The following ANOS1 variants were observed in gnomAD, a reference collection of about 807,000 sequenced individuals.
ANOS1 encodes anosmin 1.
In ANOS1, 6 loss-of-function variants were observed where a neutral mutation model predicts 59.0. The ratio of observed to expected loss-of-function variants is 0.10; its 90% CI spans 0.06 to 0.20. The LOEUF (loss-of-function observed/expected upper bound fraction) is 0.20, where lower values mean the gene tolerates loss of function less well. ANOS1 is among the 10% of genes least tolerant of loss of function. The probability of loss-of-function intolerance (pLI) is 1.00; values close to 1 mark genes in which losing one functional copy is unlikely to be tolerated. For synonymous variants in ANOS1, 217 were observed against 223.4 expected (o/e 0.97, Z 0.25); for missense variants, 433 against 542.3 (o/e 0.80, Z 2.00).
chrX:8,588,513 G>A (rs887043289), intron 4 of ANOS1, among the ~76,000 whole-genome samples: 8 of 111,759 alleles, frequency 7.2e-5, no homozygotes, highest in Admixed American at 2.9e-4. Context: ...ATCTCTTCAT[G>A]TGAAATCTCC....
intron 13 of ANOS1, among the ~76,000 whole-genome samples, chrX:8,533,930 T>A (rs1455775930): frequency 9.5e-6 from 1 of 105,667 alleles, no homozygotes; most frequent in Non-Finnish European, 1.9e-5. Flanking sequence ...AAAGCATGCA[T>A]TACATAGGGG....
chrX:8,611,578 T>C (rs1931059250), intron 3 of ANOS1, among the ~76,000 whole-genome samples: 1 of 97,642 alleles, frequency 1.0e-5, no homozygotes, highest in South Asian at 4.9e-4. Context: ...TGAAGGAAAA[T>C]CTTCAAAGCA....
chrX:8,536,014 T>C (rs948119647), intron 11 of ANOS1, among the ~76,000 whole-genome samples: 2 of 110,579 alleles, frequency 1.8e-5, no homozygotes, highest in East Asian at 2.8e-4. Context: ...ACTCCAACTT[T>C]GTACTAAATG....
chrX:8,586,363 C>G (rs1353152227), intron 5 of ANOS1, among the ~76,000 whole-genome samples: 1 of 112,432 alleles, frequency 8.9e-6, no homozygotes, highest in Non-Finnish European at 1.9e-5. Context: ...TGAACTCTTA[C>G]ATGTGGCTTT....
At chrX:8,664,359 T>A (rs1193271371) in intron 2 of ANOS1, among the ~76,000 whole-genome samples, 1 of 109,532 alleles carries the variant, frequency 9.1e-6, no homozygotes, top group Non-Finnish European at 1.9e-5. Context: ...CCCGGCTAAT[T>A]TTTTTGTATT....
At chrX:8,578,859 G>A (rs1219237398) in intron 6 of ANOS1, among the ~76,000 whole-genome samples, 2 of 111,866 alleles carry the variant, frequency 1.8e-5, no homozygotes, top group Non-Finnish European at 3.8e-5. Flanking sequence ...CAAAAAAAAT[G>A]AATTTGGATT....
intron 3 of ANOS1, among the ~76,000 whole-genome samples, chrX:8,606,161 G>A (rs1038376117): frequency 1.8e-5 from 2 of 111,974 alleles, no homozygotes; most frequent in Non-Finnish European, 3.8e-5. Context: ...TATAACTGTA[G>A]GTAAAATTTA....
Position 8,535,718 on chromosome X carries a change from T to C in ANOS1, c.1715A>G (p.Lys572Arg), listed in dbSNP as rs756389987. 1 of 1,211,726 alleles carries C rather than the reference T, an allele frequency of 8.3e-7. No homozygotes were observed. Among genetic ancestry groups the C allele is most frequent in the East Asian group, 3.0e-5 (1 of 33,843 alleles). The change falls in exon 12 of 14, where the codon AAG becomes AGG. Residue 572 changes from lysine (K) to arginine (R), a missense_variant. Transcript: ENST00000262648. ...DVNITGHFSW[K>R]MAKANLYQPM... Reference sequence around the variant, plus strand: ...CTGATAGAGATTGGCCTTGGCCATCTTCCAAGAAAAGTGACCGGTGATGTT... The same window carrying C: ...CTGATAGAGATTGGCCTTGGCCATCCTCCAAGAAAAGTGACCGGTGATGTT...
chrX:8,561,242 T>C (rs1472268107), intron 8 of ANOS1, among the ~76,000 whole-genome samples: 3 of 112,660 alleles, frequency 2.7e-5, no homozygotes, highest in Non-Finnish European at 5.6e-5. Flanking sequence ...TAGGCTATTT[T>C]AGCTTAAAGA....
intron 2 of ANOS1, among the ~76,000 whole-genome samples, chrX:8,682,477 T>C (rs1351173375): frequency 9.0e-6 from 1 of 111,057 alleles, no homozygotes; most frequent in Non-Finnish European, 1.9e-5. Flanking sequence ...ACCCGTGGGA[T>C]GCATTAAGCC....
At chrX:8,581,977 C>T (rs777654762) in intron 6 of ANOS1, among the ~76,000 whole-genome samples, 88 of 111,942 alleles carry the variant, frequency 7.9e-4, no homozygotes, top group Non-Finnish European at 1.3e-3. Context: ...CTTTTTATTA[C>T]TCTTGTTTCA....
intron 2 of ANOS1, among the ~76,000 whole-genome samples, chrX:8,670,896 C>T (rs992922000): frequency 9.0e-5 from 10 of 111,252 alleles, no homozygotes; most frequent in East Asian, 2.8e-4. Flanking sequence ...GGCATCAGAA[C>T]GGATGTTTCC....
At chrX:8,656,133 A>G (rs1931927390) in intron 2 of ANOS1, among the ~76,000 whole-genome samples, 1 of 112,321 alleles carries the variant, frequency 8.9e-6, no homozygotes, top group South Asian at 3.7e-4. Flanking sequence ...TGCCTACAAT[A>G]TCTGACCCAG....
In ANOS1 at chrX:8,532,608, C is replaced by T. The variant is rs1394779488; in HGVS notation, c.*387G>A. 4.0e-5 allele frequency: 5 copies of T among 124,805 alleles called. No individual in the cohort carries two copies. Among genetic ancestry groups the T allele is most frequent in the Middle Eastern group, 3.8e-3 (1 of 261 alleles). 10.3% of individuals were successfully genotyped at this position (124,805 alleles called of 1,213,427 possible). A position where few individuals can be genotyped will look rare whatever the true frequency, so the allele number is the denominator to read the frequency against. Reference sequence around the variant, plus strand: ...AAATATATTTTATTGATTAGATTTACGCTTAGTGTTATGTGTGAATTGTGT... The same window carrying T: ...AAATATATTTTATTGATTAGATTTATGCTTAGTGTTATGTGTGAATTGTGT... On this transcript the variant is annotated 3_prime_UTR_variant, in exon 14 of 14. Coordinates refer to ENST00000262648, the MANE Select transcript of ANOS1 (RefSeq NM_000216.4).
intron 12 of ANOS1, chrX:8,535,103 A>AT (rs139686267): frequency 0.02 from 1,894 of 94,990 alleles, 40 homozygotes; most frequent in African/African-American, 0.056. Context: ...CCCACACATG[A>AT]TTTTTTTTTT....
intron 8 of ANOS1, among the ~76,000 whole-genome samples, chrX:8,564,739 T>C (rs934617455): frequency 7.2e-5 from 8 of 111,078 alleles, no homozygotes; most frequent in Admixed American, 4.8e-4. Flanking sequence ...GACATAAGAA[T>C]AGATATGTTT....
intron 2 of ANOS1, among the ~76,000 whole-genome samples, chrX:8,672,024 A>C (rs141080885): frequency 0.015 from 1,710 of 110,896 alleles, 29 homozygotes; most frequent in African/African-American, 0.054. Flanking sequence ...TACTCCTCCT[A>C]ACTGAAATTT....
chrX:8,628,091 A>G (rs77368372), intron 2 of ANOS1, among the ~76,000 whole-genome samples: 11,139 of 111,017 alleles, frequency 0.1, 788 homozygotes, highest in South Asian at 0.24. Context: ...AAACCCACCA[A>G]AACCAAGATG....
chrX:8,718,067 G>A (rs891068955), intron 1 of ANOS1, among the ~76,000 whole-genome samples: 1 of 109,231 alleles, frequency 9.2e-6, no homozygotes, highest in Non-Finnish European at 1.9e-5. Flanking sequence ...GTCTCAAAAC[G>A]TAAATAAATA....
Sources: gnomAD v4.1 joint callset for allele counts (sites outside exome capture counted in the v4.1 genomes callset) on GRCh38, gnomAD v4.1.1 for gene constraint, MANE v1.5 for transcripts, NCBI Gene and HGNC (gene_info 2026-07-23, HGNC 2026-07-21) for gene names.